The following ACOX3 variants were observed in gnomAD, a reference collection of about 807,000 sequenced individuals.
The protein encoded by ACOX3 is peroxisomal acyl-coenzyme A oxidase 3.
ACOX3 carries 73 observed loss-of-function variants against 81.5 expected under a neutral mutation model. The ratio of observed to expected loss-of-function variants is 0.90; its 90% CI spans 0.74 to 1.09. ACOX3 has a LOEUF of 1.09. ACOX3 is among the 50% of genes least tolerant of loss of function. The probability of loss-of-function intolerance (pLI) is 0.00; values close to 1 mark genes in which losing one functional copy is unlikely to be tolerated. For synonymous variants in ACOX3, 387 were observed against 375.1 expected, an observed-to-expected ratio of 1.03 and a Z score of -0.37; for missense variants, 947 against 928.0, an observed-to-expected ratio of 1.02 and a Z score of -0.27.
At chr4:8,418,580 C>T (rs931758645) in intron 1 of ACOX3, among the ~76,000 whole-genome samples, 1 of 151,434 alleles carries the variant, frequency 6.6e-6, no homozygotes, top group Non-Finnish European at 1.5e-5. Context: ...CCAAAAAATA[C>T]AGGAAAGGCC....
chr4:8,420,188 C>T (rs963838357), intron 1 of ACOX3, among the ~76,000 whole-genome samples: 9 of 152,240 alleles, frequency 5.9e-5, no homozygotes, highest in Non-Finnish European at 1.3e-4. Context: ...CAGATCCTAA[C>T]AAGTACCTAT....
Position 8,399,417 on chromosome 4 carries a change from C to A in ACOX3, c.873+139G>T. ...TCTAGCGGGAGCACCAGAACCCGAGCCAGGAGAAGTATGCCCCAGCGACAC... is the reference window on the plus strand; with the variant it reads ...TCTAGCGGGAGCACCAGAACCCGAGACAGGAGAAGTATGCCCCAGCGACAC... On this transcript the variant is annotated intron_variant, in intron 8 of 17. Transcript: ENST00000356406. The surrounding 1 kb of genome is among the most constrained non-coding windows in gnomAD (Gnocchi z 4.9). The A allele has an allele frequency of 1.4e-6, 1 of 702,376 alleles. No individual in the cohort carries two copies. 43.5% of individuals were successfully genotyped at this position (702,376 alleles called of 1,614,324 possible).
intron 9 of ACOX3, among the ~76,000 whole-genome samples, chr4:8,395,755 G>A (rs1373653920): frequency 6.6e-6 from 1 of 152,234 alleles, no homozygotes; most frequent in Non-Finnish European, 1.5e-5. Context: ...ACCACACACG[G>A]GAGGGGATGG....
chr4:8,389,695 T>C lies in ACOX3; in HGVS notation c.1340A>G (p.Asn447Ser), dbSNP rs768706873. 19 of 1,614,072 alleles carry C rather than the reference T, an allele frequency of 1.2e-5. No individual in the cohort carries two copies. In the East Asian group the frequency reaches 2.2e-4, roughly 19 times the overall value. The stretch of plus-strand genomic sequence containing the variant: ...GTTGTTGTCACCTTCGTATGTGCAG[T>C]TGGGATCGTTGTCATCTCTAAGGAC... ...LGVLRDDNDP[N>S]CTYEGDNNIL... The change falls in exon 12 of 18, where the codon AAC becomes AGC. Residue 447 changes from asparagine (N) to serine (S), a missense_variant. By Grantham distance (46) the Asn-to-Ser change is conservative (BLOSUM62 1). Coordinates refer to ENST00000356406, the MANE Select transcript of ACOX3 (RefSeq NM_003501.3). This position sits in a 1 kb window ranked among gnomAD's most constrained non-coding sequence, Gnocchi z 5.3.
chr4:8,415,074 G>A, intron 3 of ACOX3, 146 bp from the exon 4 acceptor site: 1 of 785,052 alleles, frequency 1.3e-6, no homozygotes, highest in Middle Eastern at 2.5e-4. Context: ...GAGAACAAGT[G>A]CTGAGAGGTT....
At position 8,401,981 on chromosome 4, in the gene ACOX3, C is replaced by T. The variant is rs113950846; in HGVS notation, c.777-2329G>A. 8.6e-3 allele frequency among the ~76,000 whole-genome samples: 1,311 copies of T among 152,322 alleles called. 6 individuals carry two copies. The highest frequency in any genetic ancestry group is 0.035 in the South Asian group (167 of 4,824). On this transcript the variant is annotated intron_variant, in intron 7 of 17. Coordinates refer to ENST00000356406, the MANE Select transcript of ACOX3 (RefSeq NM_003501.3). ...TGAGCTAGCTGCCTCTCAGCAGTCTCCCGGGGCTCACCCCCCTCCATGAGG... is the reference window on the plus strand; with the variant it reads ...TGAGCTAGCTGCCTCTCAGCAGTCTTCCGGGGCTCACCCCCCTCCATGAGG...
rs1451818070 is a variant in ACOX3, at chr4:8,385,483, G to A, written c.1537+3690C>T. On this transcript the variant is annotated intron_variant, in intron 13 of 17. Transcript: ENST00000356406. This position sits in a 1 kb window ranked among gnomAD's most constrained non-coding sequence, Gnocchi z 5.5. Reference sequence around the variant, plus strand: ...CACACGTGTCCGAGTAGTGAACACTGCAACTGCTTACTATGAATGCATACG... The same window carrying A: ...CACACGTGTCCGAGTAGTGAACACTACAACTGCTTACTATGAATGCATACG... Among the ~76,000 whole-genome samples, 2 of 152,214 alleles carry A rather than the reference G, an allele frequency of 1.3e-5. No homozygotes were observed. The highest frequency in any genetic ancestry group is 4.8e-5 in the African/African-American group (2 of 41,446).
At position 8,389,394 on chromosome 4, in the gene ACOX3, G is replaced by A; in HGVS notation, c.1424-108C>T. On this transcript the variant is annotated intron_variant, in intron 12 of 17. Coordinates refer to ENST00000356406, the MANE Select transcript of ACOX3 (RefSeq NM_003501.3). The surrounding 1 kb of genome is among the most constrained non-coding windows in gnomAD (Gnocchi z 5.3). ...CAGAGAGTGTCCAGAGGACCCGACG[G>A]CCACAGACCCACAGGCGAGGGTCTG... The A allele has an allele frequency of 7.7e-7, 1 of 1,295,992 alleles. No individual in the cohort carries two copies. The highest frequency in any genetic ancestry group is 1.1e-6 in the Non-Finnish European group (1 of 935,196). 80.3% of individuals were successfully genotyped at this position (1,295,992 alleles called of 1,614,324 possible).
At chr4:8,367,139 A>G in intron 17 of ACOX3, 59 bp from the exon 18 acceptor site, 1 of 1,594,088 alleles carries the variant, frequency 6.3e-7, no homozygotes. Flanking sequence ...AAAGATTCCT[A>G]GACGGCTGAG....
chr4:8,391,043 A>ATGTATG (rs1438691526), intron 11 of ACOX3, among the ~76,000 whole-genome samples: 6 of 86,678 alleles, frequency 6.9e-5, no homozygotes, highest in Non-Finnish European at 1.2e-4. Flanking sequence ...GTATATGTAT[A>ATGTATG]TGTATATGTA....
rs533427373 is a variant in ACOX3, at chr4:8,416,257, G to A, written c.144+121C>T. ...GGGGTGCAGAGAGGAGAGAGGCCGCGCTGCCTGGGATGAGCCTCGCCCGGC... is the reference window on the plus strand; with the variant it reads ...GGGGTGCAGAGAGGAGAGAGGCCGCACTGCCTGGGATGAGCCTCGCCCGGC... On this transcript the variant is annotated intron_variant, in intron 2 of 17. Coordinates refer to ENST00000356406, the MANE Select transcript of ACOX3 (RefSeq NM_003501.3). The surrounding 1 kb of genome is among the most constrained non-coding windows in gnomAD (Gnocchi z 4.2). 3.1e-5 allele frequency: 48 copies of A among 1,529,602 alleles called. No individual in the cohort carries two copies. Among genetic ancestry groups the A allele is most frequent in the African/African-American group, 2.3e-4 (17 of 73,356 alleles). The allele number at this position is 1,529,602 out of a possible 1,614,324, so 94.8% of individuals were successfully genotyped here.
At chr4:8,408,313 C>T (rs964645686) in intron 6 of ACOX3, among the ~76,000 whole-genome samples, 5 of 152,054 alleles carry the variant, frequency 3.3e-5, no homozygotes, top group African/African-American at 4.8e-5. Context: ...CCTGCCCCTC[C>T]GCCCACCAGC....
At chr4:8,411,499 G>T (rs1721720742) in intron 5 of ACOX3, among the ~76,000 whole-genome samples, 1 of 152,138 alleles carries the variant, frequency 6.6e-6, no homozygotes. Flanking sequence ...GCCTGCGAGG[G>T]TAAGGAGGGC....
At chr4:8,371,200 T>C (rs1716148399) in intron 16 of ACOX3, among the ~76,000 whole-genome samples, 1 of 152,188 alleles carries the variant, frequency 6.6e-6, no homozygotes, top group South Asian at 2.1e-4. Context: ...ACCATGCTGC[T>C]TTTCACTCAG....
In ACOX3 at chr4:8,381,588, C is replaced by CTT. The variant is rs1334152015; in HGVS notation, c.1555_1556dup (p.Trp520SerfsTer15). The CTT allele has an allele frequency of 1.9e-6, 3 of 1,613,694 alleles. No individual in the cohort carries two copies. The stretch of plus-strand genomic sequence containing the variant: ...CTCGGAGCAGGTAGCAAACCAGCCA[C>CTT]TTGTATGCTGCCAGGGCGACTTCGG... On this transcript the variant is annotated frameshift_variant, in exon 14 of 18. Coordinates refer to ENST00000356406, the MANE Select transcript of ACOX3 (RefSeq NM_003501.3). LOFTEE classifies it high-confidence loss of function. This position sits in a 1 kb window ranked among gnomAD's most constrained non-coding sequence, Gnocchi z 4.3.
chr4:8,392,749 G>A (rs562478997), intron 10 of ACOX3, among the ~76,000 whole-genome samples: 40 of 152,334 alleles, frequency 2.6e-4, no homozygotes, highest in African/African-American at 7.7e-4. Flanking sequence ...AAGAATGTGC[G>A]TCATGGCCCA....
In ACOX3 at chr4:8,437,644, G is replaced by GAAGTCAAGTTAGGCA. The variant is rs1724335498; in HGVS notation, c.-15+2989_-15+3003dup. The stretch of plus-strand genomic sequence containing the variant: ...CGTGGACACGGATGTAGACGTGGAA[G>GAAGTCAAGTTAGGCA]AAGTCAAGTTAGGCAAGGATTCGAG... On this transcript the variant is annotated intron_variant, in intron 1 of 17. Coordinates refer to ENST00000356406, the MANE Select transcript of ACOX3 (RefSeq NM_003501.3). This position sits in a 1 kb window ranked among gnomAD's most constrained non-coding sequence, Gnocchi z 5.2. Among the ~76,000 whole-genome samples, 1 of 152,238 alleles carries GAAGTCAAGTTAGGCA rather than the reference G, an allele frequency of 6.6e-6. No homozygotes were observed. The highest frequency in any genetic ancestry group is 1.5e-5 in the Non-Finnish European group (1 of 68,032).
At chr4:8,409,599 GC>G in intron 6 of ACOX3, among the ~76,000 whole-genome samples, 1 of 100,482 alleles carries the variant, frequency 1.0e-5, no homozygotes, top group Non-Finnish European at 2.3e-5. Flanking sequence ...TGTGGGCAGG[GC>G]TATCTGTACT....
chr4:8,405,902 C>A lies in ACOX3; in HGVS notation c.776+53G>T. The A allele has an allele frequency of 6.4e-7, 1 of 1,550,516 alleles. No individual in the cohort carries two copies. The highest frequency in any genetic ancestry group is 8.9e-7 in the Non-Finnish European group (1 of 1,122,530). The stretch of plus-strand genomic sequence containing the variant: ...GTGAGATCTCAGACATGAGCGACAA[C>A]GCAGCCTGGGCCTTGGCAGGAAGCT... On this transcript the variant is annotated intron_variant, in intron 7 of 17. Coordinates refer to ENST00000356406, the MANE Select transcript of ACOX3 (RefSeq NM_003501.3). The surrounding 1 kb of genome is among the most constrained non-coding windows in gnomAD (Gnocchi z 7.1).
Sources: allele counts gnomAD v4.1 joint callset (sites outside exome capture counted in the v4.1 genomes callset), GRCh38; gene constraint gnomAD v4.1.1; non-coding constraint Gnocchi (gnomAD v3.1); transcripts MANE v1.5; gene names NCBI Gene and HGNC (gene_info 2026-07-23, HGNC 2026-07-21).